ARHGAP15: variants seen among roughly 807,000 people sequenced by gnomAD.
The protein encoded by ARHGAP15 is Rho GTPase activating protein 15.
ARHGAP15 carries 51 observed loss-of-function variants against 63.7 expected under a neutral mutation model. The observed-to-expected ratio is 0.80, with a 90% CI of 0.64 to 1.01. ARHGAP15 has a LOEUF of 1.01. ARHGAP15 is among the 50% of genes least tolerant of loss of function. ARHGAP15 has a pLI of 0.00. For missense variants in ARHGAP15, 560 were observed against 564.6 expected, an observed-to-expected ratio of 0.99 and a Z score of 0.08; for synonymous variants, 191 against 193.8, an observed-to-expected ratio of 0.99 and a Z score of 0.12.
chr2:143,640,981 G>T (rs1456798972), intron 12 of ARHGAP15: 1 of 152,102 alleles, frequency 6.6e-6, no homozygotes, highest in Non-Finnish European at 1.5e-5. Context: ...AGTTCACTTT[G>T]CAGACTGAAG....
chr2:143,713,478 C>T (rs1405581316), intron 13 of ARHGAP15, among the ~76,000 whole-genome samples: 1 of 152,154 alleles, frequency 6.6e-6, no homozygotes, highest in Non-Finnish European at 1.5e-5. Context: ...CCCTGACCCT[C>T]CAAATCTCAT....
At position 143,631,183 on chromosome 2, in the gene ARHGAP15, T is replaced by G. The variant is rs1574735881; in HGVS notation, c.1138+6916T>G. On this transcript the variant is annotated intron_variant, in intron 12 of 13. Transcript: ENST00000295095. ...GTTCATTTTTCATTAATGAGTAATATTTCATTATTTGAAGATAACACAATT... is the reference window on the plus strand; with the variant it reads ...GTTCATTTTTCATTAATGAGTAATAGTTCATTATTTGAAGATAACACAATT... 5.3e-5 allele frequency among the ~76,000 whole-genome samples: 8 copies of G among 152,258 alleles called. 1 individual carries two copies. In the South Asian group the frequency reaches 1.7e-3, roughly 32 times the overall value.
chr2:143,660,886 C>T lies in ARHGAP15; in HGVS notation c.1138+36619C>T, dbSNP rs1324109083. ...TTCTATTGCTGTTGTAACAGATTAC[C>T]ACAAACTTAGCAACTTCTTACAGTT... On this transcript the variant is annotated intron_variant, in intron 12 of 13. Coordinates refer to ENST00000295095, the MANE Select transcript of ARHGAP15 (RefSeq NM_018460.4). 2.0e-5 allele frequency among the ~76,000 whole-genome samples: 3 copies of T among 152,164 alleles called. No homozygotes were observed. In the East Asian group the frequency reaches 5.8e-4, roughly 29 times the overall value.
At chr2:143,649,901 C>T (rs572169791) in intron 12 of ARHGAP15, among the ~76,000 whole-genome samples, 7 of 152,026 alleles carry the variant, frequency 4.6e-5, no homozygotes, top group African/African-American at 1.4e-4. Flanking sequence ...GAAATACTTT[C>T]ACCTATAAAG....
In ARHGAP15 at chr2:143,477,211, C is replaced by T. The variant is rs552687421; in HGVS notation, c.704-10162C>T. Among the ~76,000 whole-genome samples, 100 of 148,900 alleles carry T rather than the reference C, an allele frequency of 6.7e-4. 2 individuals carry two copies. The East Asian group carries it at 6.9e-3, about 10-fold the overall frequency. ...GCTCGCACACACACACACACACTCGCGCACACACACACACATATACAGCAG... is the reference window on the plus strand; with the variant it reads ...GCTCGCACACACACACACACACTCGTGCACACACACACACATATACAGCAG... On this transcript the variant is annotated intron_variant, in intron 8 of 13. Transcript: ENST00000295095.
intron 12 of ARHGAP15, among the ~76,000 whole-genome samples, chr2:143,643,749 AC>A (rs1357692884): frequency 6.6e-6 from 1 of 152,152 alleles, no homozygotes; most frequent in Non-Finnish European, 1.5e-5. Context: ...GTAAAAGATT[AC>A]AAAAAAGAAA....
intron 12 of ARHGAP15, among the ~76,000 whole-genome samples, chr2:143,691,775 T>C (rs1210579090): frequency 2.0e-5 from 3 of 152,238 alleles, no homozygotes; most frequent in Non-Finnish European, 4.4e-5. Flanking sequence ...TATAATGGAA[T>C]GGTCATTTTC....
intron 1 of ARHGAP15, among the ~76,000 whole-genome samples, chr2:143,144,079 C>G (rs1466736775): frequency 6.6e-6 from 1 of 152,040 alleles, no homozygotes; most frequent in African/African-American, 2.4e-5. Context: ...ATCCATGAAC[C>G]TGCAAAGGAC....
intron 11 of ARHGAP15, among the ~76,000 whole-genome samples, chr2:143,593,803 GTAAAGGTCTTT>G (rs1321336429): frequency 6.6e-6 from 1 of 152,022 alleles, no homozygotes; most frequent in Non-Finnish European, 1.5e-5. Context: ...ACACTCACAA[GTAAAGGTCTTT>G]TAAACCAACA....
intron 12 of ARHGAP15, among the ~76,000 whole-genome samples, chr2:143,662,258 C>T (rs1681854891): frequency 6.6e-6 from 1 of 151,514 alleles, no homozygotes; most frequent in South Asian, 2.1e-4. Flanking sequence ...GTCCCTGACC[C>T]CTGACCCCCG....
intron 12 of ARHGAP15, among the ~76,000 whole-genome samples, chr2:143,673,754 G>GTATATATATATATATATATATA (rs1166388931): frequency 5.4e-4 from 17 of 31,416 alleles, no homozygotes; most frequent in Non-Finnish European, 8.4e-4. Context: ...GTGTGTGTGT[G>GTATATATATATATATATATATA]TGTGTATATA....
At position 143,291,030 on chromosome 2, in the gene ARHGAP15, C is replaced by A. The variant is rs1682371786; in HGVS notation, c.474+40430C>A. On this transcript the variant is annotated intron_variant, in intron 6 of 13. Coordinates refer to ENST00000295095, the MANE Select transcript of ARHGAP15 (RefSeq NM_018460.4). The stretch of plus-strand genomic sequence containing the variant: ...ATCATCAGTGAGAGGATACACAGTA[C>A]TGTTCTGTGGCCTGAAAGTGGCATT... Among the ~76,000 whole-genome samples, 4 of 152,080 alleles carry A rather than the reference C, an allele frequency of 2.6e-5. No individual in the cohort carries two copies. The South Asian group carries it at 6.2e-4, about 24-fold the overall frequency.
intron 6 of ARHGAP15, among the ~76,000 whole-genome samples, chr2:143,353,962 T>C (rs1685690008): frequency 6.6e-6 from 1 of 152,180 alleles, no homozygotes; most frequent in Admixed American, 6.6e-5. Context: ...AGAATGATGT[T>C]GTCTACAGAG....
At chr2:143,532,377 T>G (rs1694557855) in intron 10 of ARHGAP15, among the ~76,000 whole-genome samples, 1 of 152,218 alleles carries the variant, frequency 6.6e-6, no homozygotes. Flanking sequence ...TAATGTTTCC[T>G]CACATATAAT....
chr2:143,398,380 T>C (rs1574391791), intron 6 of ARHGAP15, among the ~76,000 whole-genome samples: 1 of 152,150 alleles, frequency 6.6e-6, no homozygotes, highest in East Asian at 1.9e-4. Context: ...ACTCCGCTTG[T>C]TGTAAATGCA....
At chr2:143,180,275 C>G (rs1233005161) in intron 2 of ARHGAP15, among the ~76,000 whole-genome samples, 1 of 152,216 alleles carries the variant, frequency 6.6e-6, no homozygotes, top group African/African-American at 2.4e-5. Flanking sequence ...CAGCGACATT[C>G]ACGGCCTCTT....
intron 6 of ARHGAP15, among the ~76,000 whole-genome samples, chr2:143,296,661 C>A (rs13425994): frequency 5.9e-5 from 9 of 151,304 alleles, no homozygotes; most frequent in African/African-American, 2.2e-4. Flanking sequence ...TTTAGAAACT[C>A]GATCTTCACA....
At chr2:143,347,850 G>A (rs1270874126) in intron 6 of ARHGAP15, among the ~76,000 whole-genome samples, 2 of 142,060 alleles carry the variant, frequency 1.4e-5, no homozygotes, top group Non-Finnish European at 3.0e-5. Flanking sequence ...TTGAAATTTT[G>A]ATCAGAAGAT....
chr2:143,235,863 A>G lies in ARHGAP15; in HGVS notation c.384+7195A>G, dbSNP rs933252077. On this transcript the variant is annotated intron_variant, in intron 5 of 13. Transcript: ENST00000295095. ...TTTTTCAGGTACACTTTCCTATTTT[A>G]GTATCAGTGAAGTATTTCAATTGAC... 1.7e-5 allele frequency: 24 copies of G among 1,435,606 alleles called. No individual in the cohort carries two copies. In the African/African-American group the frequency reaches 3.4e-4, roughly 20 times the overall value. The allele number at this position is 1,435,606 out of a possible 1,614,324, so 88.9% of individuals were successfully genotyped here.
Sources: gnomAD v4.1 joint callset for allele counts (sites outside exome capture counted in the v4.1 genomes callset) on GRCh38, gnomAD v4.1.1 for gene constraint, MANE v1.5 for transcripts, NCBI Gene and HGNC (gene_info 2026-07-23, HGNC 2026-07-21) for gene names.